ASIC2: variants seen among roughly 807,000 people sequenced by gnomAD.
ASIC2 encodes acid-sensing ion channel 2.
Under a neutral mutation model 57.3 loss-of-function variants are expected in ASIC2, and 25 were observed. The ratio of observed to expected loss-of-function variants is 0.44; its 90% confidence interval spans 0.32 to 0.61. ASIC2 has a LOEUF of 0.61. Among genes scored for constraint, ASIC2 ranks in the 20% least tolerant of loss-of-function variants. The pLI, the probability that ASIC2 is intolerant of heterozygous loss-of-function variation, is 0.06. For missense variants in ASIC2, 641 were observed against 738.1 expected, an observed-to-expected ratio of 0.87 and a Z score of 1.52; for synonymous variants, 319 against 307.5, an observed-to-expected ratio of 1.04 and a Z score of -0.39.
intron 3 of ASIC2, among the ~76,000 whole-genome samples, chr17:33,085,682 T>C (rs1438766997): frequency 1.3e-5 from 2 of 152,170 alleles, no homozygotes. Flanking sequence ...AGCCACAACA[T>C]GAAAGAGATG....
chr17:34,134,657 G>C (rs1201252116), intron 1 of ASIC2, among the ~76,000 whole-genome samples: 2 of 152,168 alleles, frequency 1.3e-5, no homozygotes, highest in African/African-American at 4.8e-5. Flanking sequence ...CAAGTTATGT[G>C]ATTACTTTCT....
At chr17:34,046,027 T>G (rs1908324160) in intron 1 of ASIC2, among the ~76,000 whole-genome samples, 1 of 152,178 alleles carries the variant, frequency 6.6e-6, no homozygotes, top group Admixed American at 6.5e-5. Context: ...CTGACCACCC[T>G]GCTAGAGAGA....
At chr17:33,718,852 G>A (rs1909302321) in intron 1 of ASIC2, among the ~76,000 whole-genome samples, 1 of 152,176 alleles carries the variant, frequency 6.6e-6, no homozygotes, top group Admixed American at 6.5e-5. Flanking sequence ...GCTTGCAGGT[G>A]GTAAGAGGGG....
At chr17:33,098,450 T>C (rs1176612278) in intron 2 of ASIC2, among the ~76,000 whole-genome samples, 1 of 151,988 alleles carries the variant, frequency 6.6e-6, no homozygotes, top group Non-Finnish European at 1.5e-5. Flanking sequence ...TGCTCACAGG[T>C]GATATTTTGA....
At chr17:34,011,085 G>GCACACA (rs140189283) in intron 1 of ASIC2, among the ~76,000 whole-genome samples, 6 of 36,970 alleles carry the variant, frequency 1.6e-4, no homozygotes, top group Admixed American at 6.0e-4. Flanking sequence ...GCAGACACAT[G>GCACACA]CACACACACA....
intron 3 of ASIC2, among the ~76,000 whole-genome samples, chr17:33,036,688 G>A (rs2091909959): frequency 6.6e-6 from 1 of 152,114 alleles, no homozygotes; most frequent in Admixed American, 6.6e-5. Flanking sequence ...GGTTACAGGT[G>A]TGAGTCATCA....
intron 1 of ASIC2, among the ~76,000 whole-genome samples, chr17:33,638,598 T>C (rs949803685): frequency 2.5e-4 from 38 of 152,246 alleles, no homozygotes; most frequent in African/African-American, 8.9e-4. Flanking sequence ...TTATTTGTCA[T>C]TTATTGAGAG....
intron 1 of ASIC2, among the ~76,000 whole-genome samples, chr17:33,942,012 C>T (rs139930662): frequency 9.2e-5 from 14 of 152,190 alleles, no homozygotes; most frequent in South Asian, 8.3e-4. Flanking sequence ...ATACGTGTAC[C>T]GGGAACAAAT....
At chr17:33,748,928 C>T (rs1387675867) in intron 1 of ASIC2, among the ~76,000 whole-genome samples, 1 of 152,180 alleles carries the variant, frequency 6.6e-6, no homozygotes, top group East Asian at 1.9e-4. Context: ...GAAACATCTC[C>T]CCAGCCTTCT....
At chr17:33,307,276 CCTTCTT>C (rs112981249) in intron 1 of ASIC2, among the ~76,000 whole-genome samples, 140 of 147,608 alleles carry the variant, frequency 9.5e-4, no homozygotes, top group Middle Eastern at 3.5e-3. Flanking sequence ...TCCTCCTCTT[CCTTCTT>C]CTTCTTCTTC....
chr17:33,340,982 T>C (rs1204133186), intron 1 of ASIC2, among the ~76,000 whole-genome samples: 1 of 152,158 alleles, frequency 6.6e-6, no homozygotes, highest in Non-Finnish European at 1.5e-5. Flanking sequence ...AGACTTGAGA[T>C]AGTCATGTGT....
At chr17:33,626,396 T>C (rs1905985021) in intron 1 of ASIC2, among the ~76,000 whole-genome samples, 1 of 152,228 alleles carries the variant, frequency 6.6e-6, no homozygotes, top group Admixed American at 6.5e-5. Context: ...TAAATTTAGA[T>C]TCACTAGCTT....
At chr17:34,019,676 A>T (rs574542647) in intron 1 of ASIC2, among the ~76,000 whole-genome samples, 3 of 152,366 alleles carry the variant, frequency 2.0e-5, no homozygotes, top group Admixed American at 2.0e-4. Context: ...GTATAGTGTA[A>T]CAATAACTTT....
intron 1 of ASIC2, among the ~76,000 whole-genome samples, chr17:33,383,767 G>C (rs1909571967): frequency 6.6e-6 from 1 of 152,182 alleles, no homozygotes; most frequent in Non-Finnish European, 1.5e-5. Context: ...ACAGTGGCAG[G>C]GATGGTGATT....
chr17:33,649,118 C>T (rs1906840997), intron 1 of ASIC2, among the ~76,000 whole-genome samples: 1 of 152,142 alleles, frequency 6.6e-6, no homozygotes, highest in Admixed American at 6.6e-5. Context: ...AGAAATTAAA[C>T]TAACCCTATT....
rs185501486 is a variant in ASIC2 at position 33,013,803 on chromosome 17, C to G, written c.*162G>C. On this transcript the variant is annotated 3_prime_UTR_variant, in exon 10 of 10. Transcript: ENST00000225823. Reference sequence around the variant, plus strand: ...GGGCCCAAGGATGCGTCGTGTTGGACGTGGCCGGAGCGAGGTCTAGGCAGC... The same window carrying G: ...GGGCCCAAGGATGCGTCGTGTTGGAGGTGGCCGGAGCGAGGTCTAGGCAGC... 581 of 654,308 alleles carry G rather than the reference C, an allele frequency of 8.9e-4. 2 individuals are homozygous for G. Among genetic ancestry groups the G allele is most frequent in the Admixed American group, 1.7e-3 (65 of 39,196 alleles). The allele number at this position is 654,308 out of a possible 1,614,324, so 40.5% of individuals were successfully genotyped here.
intron 1 of ASIC2, among the ~76,000 whole-genome samples, chr17:33,357,194 G>T (rs1908418608): frequency 6.6e-6 from 1 of 152,052 alleles, no homozygotes; most frequent in Non-Finnish European, 1.5e-5. Flanking sequence ...AGCTTCCTCA[G>T]GAAGTCCCTC....
intron 1 of ASIC2, among the ~76,000 whole-genome samples, chr17:34,040,168 A>G (rs1195326586): frequency 4.3e-5 from 5 of 115,298 alleles, no homozygotes; most frequent in Middle Eastern, 3.8e-3. Flanking sequence ...GGCGCCGGAC[A>G]AAGGCCAAGG....
intron 1 of ASIC2, among the ~76,000 whole-genome samples, chr17:33,731,718 G>A (rs910026564): frequency 1.3e-5 from 2 of 152,210 alleles, no homozygotes; most frequent in African/African-American, 4.8e-5. Context: ...AATCATAAGT[G>A]TCTCAGCTTA....
Sources: gnomAD v4.1 joint callset for allele counts (sites outside exome capture counted in the v4.1 genomes callset) on GRCh38, gnomAD v4.1.1 for gene constraint, MANE v1.5 for transcripts, NCBI Gene and HGNC (gene_info 2026-07-23, HGNC 2026-07-21) for gene names.